Variants in U2AF2 observed in about 807,000 individuals in gnomAD.
U2AF2 encodes splicing factor U2AF 65 kDa subunit.
A neutral mutation model predicts 52.6 loss-of-function variants in U2AF2; 6 were observed. That is an observed-to-expected ratio of 0.11 (90% confidence interval 0.06 to 0.23). The LOEUF is 0.23. Ranked by LOEUF, U2AF2 falls within the 10% of genes least tolerant of loss-of-function variation. U2AF2 has a pLI of 1.00. For synonymous variants in U2AF2, 284 were observed against 258.2 expected (o/e 1.10, Z -0.96); for missense variants, 222 against 677.1 (o/e 0.33, Z 7.46).
intron 7 of U2AF2, among the ~76,000 whole-genome samples, chr19:55,664,504 G>A (rs552996578): frequency 6.6e-6 from 1 of 152,198 alleles, no homozygotes; most frequent in African/African-American, 2.4e-5. Flanking sequence ...GGATTTGAGG[G>A]AGGGCTTGTC....
intron 7 of U2AF2, among the ~76,000 whole-genome samples, chr19:55,664,346 C>T (rs964140162): frequency 3.3e-5 from 5 of 152,232 alleles, no homozygotes; most frequent in South Asian, 2.1e-4. Flanking sequence ...CACCTCGACA[C>T]GCGTGGCTGC....
chr19:55,658,897 G>T, intron 1 of U2AF2: 1 of 297,662 alleles, frequency 3.4e-6, no homozygotes, highest in Non-Finnish European at 6.1e-6. Flanking sequence ...CGACCCTGGG[G>T]TCAGGCCCCT....
intron 5 of U2AF2, 130 bp from the exon 6 acceptor site, chr19:55,662,372 C>T (rs1394432405): frequency 6.5e-6 from 1 of 154,374 alleles, no homozygotes. Context: ...TGTTCCTTCC[C>T]CCCCTCCTCC....
rs889486921 is a variant in U2AF2, at chr19:55,655,091, G to C, written c.-14G>C. 1.2e-6 allele frequency: 2 copies of C among 1,605,964 alleles called. No individual in the cohort carries two copies. The highest frequency in any genetic ancestry group is 1.7e-6 in the Non-Finnish European group (2 of 1,177,400). On this transcript the variant is annotated 5_prime_UTR_variant, in exon 1 of 12. Coordinates refer to ENST00000308924, the MANE Select transcript of U2AF2 (RefSeq NM_007279.3). ...AGGCGAAAGCTGCACAGGGCCCTAC[G>C]CGGCCGCCTCAGCATGTCGGACTTC...
At chr19:55,665,303 C>G (rs1326725437) in intron 7 of U2AF2, among the ~76,000 whole-genome samples, 3 of 151,260 alleles carry the variant, frequency 2.0e-5, no homozygotes, top group Non-Finnish European at 4.4e-5. Context: ...TGGCGCTGTC[C>G]TAAGTGCCCT....
chr19:55,672,223 A>T (rs763966749), intron 11 of U2AF2, among the ~76,000 whole-genome samples: 14 of 152,064 alleles, frequency 9.2e-5, no homozygotes, highest in Non-Finnish European at 1.9e-4. Flanking sequence ...AGGGACTATG[A>T]TAGTGATACG....
rs376896797 is a variant in U2AF2, at chr19:55,661,226, C to T, written c.486+37C>T. The T allele has an allele frequency of 2.7e-4, 405 of 1,506,720 alleles. 3 individuals carry two copies. Among genetic ancestry groups the T allele is most frequent in the Non-Finnish European group, 6.0e-5 (67 of 1,121,646 alleles). The allele number at this position is 1,506,720 out of a possible 1,614,324, so 93.3% of individuals were successfully genotyped here. ...CCCTGCCCCCTACCCTCTCCCTTGT[C>T]CCTCTACCCCGTTCCTCCCCTTCCC... On this transcript the variant is annotated intron_variant, in intron 5 of 11. Transcript: ENST00000308924.
chr19:55,659,385 C>CG (rs1568548787), intron 2 of U2AF2, 40 bp downstream of exon 2: 6 of 1,440,622 alleles, frequency 4.2e-6, no homozygotes, highest in South Asian at 1.4e-5. Flanking sequence ...GCCTGGGAGT[C>CG]GGGGGGTCGG....
chr19:55,672,575 C>T (rs1984988024), intron 11 of U2AF2, among the ~76,000 whole-genome samples: 1 of 152,082 alleles, frequency 6.6e-6, no homozygotes, highest in South Asian at 2.1e-4. Flanking sequence ...TCAGTGTTCC[C>T]TGGGGACACC....
At position 55,660,494 on chromosome 19, in the gene U2AF2, TCTCCCCTCCCAC is replaced by T; in HGVS notation, c.231-15_231-4del. 1 of 933,720 alleles carries T rather than the reference TCTCCCCTCCCAC, an allele frequency of 1.1e-6. No individual in the cohort carries two copies. Among genetic ancestry groups the T allele is most frequent in the Non-Finnish European group, 1.7e-6 (1 of 586,266 alleles). The allele number at this position is 933,720 out of a possible 1,614,324, so 57.8% of individuals were successfully genotyped here. On this transcript the variant is annotated splice_polypyrimidine_tract_variant and intron_variant, in intron 3 of 11. Coordinates refer to ENST00000308924, the MANE Select transcript of U2AF2 (RefSeq NM_007279.3). ...TCAGACTGAGGTTGCCCTGCCCCGC[TCTCCCCTCCCAC>T]CTCCCCCAGTCGTTCCCCCCGCCAC...
intron 2 of U2AF2, among the ~76,000 whole-genome samples, chr19:55,659,739 GTTTC>G: frequency 6.6e-6 from 1 of 152,054 alleles, no homozygotes; most frequent in East Asian, 1.9e-4. Flanking sequence ...TCTGCCTCCA[GTTTC>G]TTTCTTCCCT....
intron 11 of U2AF2, among the ~76,000 whole-genome samples, chr19:55,670,354 GTGTATGTATGGA>G (rs1455399056): frequency 1.3e-5 from 2 of 151,562 alleles, no homozygotes; most frequent in Non-Finnish European, 2.9e-5. Context: ...CCCTTGCTGG[GTGTATGTATGGA>G]ATTCCCATCG....
chr19:55,669,823 T>A (rs1984775729), intron 11 of U2AF2, 131 bp downstream of exon 11: 2 of 1,347,978 alleles, frequency 1.5e-6, no homozygotes, highest in African/African-American at 2.9e-5. Flanking sequence ...CCTCTCTCTC[T>A]CCTCTCGCAG....
At chr19:55,658,211 T>C (rs1983917758) in intron 1 of U2AF2, among the ~76,000 whole-genome samples, 1 of 152,172 alleles carries the variant, frequency 6.6e-6, no homozygotes, top group African/African-American at 2.4e-5. Flanking sequence ...CGTGTGCATC[T>C]GTTTTGTGTG....
In U2AF2 at chr19:55,674,318, G is replaced by A; in HGVS notation, c.*250G>A. 2.1e-6 allele frequency: 1 copy of A among 482,446 alleles called. No homozygotes were observed. Among genetic ancestry groups the A allele is most frequent in the Non-Finnish European group, 3.7e-6 (1 of 268,316 alleles). The allele number at this position is 482,446 out of a possible 1,614,324, so 29.9% of individuals were successfully genotyped here. The stretch of plus-strand genomic sequence containing the variant: ...GACAACACGCACCCACACAGACACA[G>A]AGGGAAGGGGTTGGGATGGGGACAG... On this transcript the variant is annotated 3_prime_UTR_variant, in exon 12 of 12. Transcript: ENST00000308924.
chr19:55,657,803 A>G (rs1983890621), intron 1 of U2AF2, among the ~76,000 whole-genome samples: 1 of 152,262 alleles, frequency 6.6e-6, no homozygotes, highest in East Asian at 1.9e-4. Flanking sequence ...CAGAGTGTTT[A>G]AATTCTGGTG....
At chr19:55,660,101 T>C (rs1291551034) in intron 2 of U2AF2, 76 bp from the exon 3 acceptor site, 3 of 1,462,760 alleles carry the variant, frequency 2.1e-6, no homozygotes, top group Non-Finnish European at 1.9e-6. Context: ...CTCAGTGCCC[T>C]TGGGGGGGTG....
At position 55,670,388 on chromosome 19, in the gene U2AF2, G is replaced by A. The variant is rs1412399006; in HGVS notation, c.1293+696G>A. On this transcript the variant is annotated intron_variant, in intron 11 of 11. Transcript: ENST00000308924. The stretch of plus-strand genomic sequence containing the variant: ...TGGAATTCCCATCGTACCAGGCTCT[G>A]ATCTAGACGCTGAGGGTTCAGTTGT... 3.0e-5 allele frequency among the ~76,000 whole-genome samples: 4 copies of A among 134,682 alleles called. No homozygotes were observed. The Admixed American group carries it at 3.2e-4, about 11-fold the overall frequency. 88.4% of individuals were successfully genotyped at this position (134,682 alleles called of 152,430 possible).
Position 55,663,602 on chromosome 19 carries a change from T to G in U2AF2, c.604-4T>G, listed in dbSNP as rs891005492. 15 of 1,613,422 alleles carry G rather than the reference T, an allele frequency of 9.3e-6. No individual in the cohort carries two copies. In the African/African-American group the frequency reaches 1.1e-4, roughly 11 times the overall value. On this transcript the variant is annotated splice_polypyrimidine_tract_variant and splice_region_variant and intron_variant, in intron 6 of 11. Coordinates refer to ENST00000308924, the MANE Select transcript of U2AF2 (RefSeq NM_007279.3). ...CCCTCACCACTCCTTTCTCTTTCAT[T>G]CAGTTCCGCTCAGTGGACGAGACTA...
Sources: gnomAD v4.1 joint callset for allele counts (sites outside exome capture counted in the v4.1 genomes callset) on GRCh38, gnomAD v4.1.1 for gene constraint, MANE v1.5 for transcripts, NCBI Gene and HGNC (gene_info 2026-07-23, HGNC 2026-07-21) for gene names.